Variants in KIF16B observed in about 807,000 individuals in gnomAD.
KIF16B encodes kinesin-like protein KIF16B.
KIF16B carries 98 observed loss-of-function variants against 156.3 expected under a neutral mutation model. The observed-to-expected ratio is 0.63, with a 90% CI of 0.53 to 0.74. The LOEUF is 0.74. KIF16B is among the 30% of genes least tolerant of loss of function. KIF16B has a pLI of 0.00. For missense variants in KIF16B, 1,421 were observed against 1,606.5 expected, an observed-to-expected ratio of 0.88 and a Z score of 1.97; for synonymous variants, 564 against 583.7, an observed-to-expected ratio of 0.97 and a Z score of 0.49.
In KIF16B at chr20:16,504,474, G is replaced by A. The variant is rs1252731535; in HGVS notation, c.1074C>T (p.Ile358=). The A allele has an allele frequency of 2.5e-6, 4 of 1,613,932 alleles. No individual in the cohort carries two copies. The highest frequency in any genetic ancestry group is 3.4e-6 in the Non-Finnish European group (4 of 1,179,946). The change falls in exon 10 of 26, where the codon ATC becomes ATT. Residue 358 remains isoleucine (I), a synonymous_variant. Coordinates refer to ENST00000354981, the MANE Select transcript of KIF16B (RefSeq NM_024704.5). ...CCTCATTAATGGTAGGCTTGTTGAT[G>A]ATGTTTTTGGCTCTATTTGCATAGC... The part of the protein sequence containing the change: ...TLRYANRAKN[I]INKPTINEDA...
intron 1 of KIF16B, among the ~76,000 whole-genome samples, chr20:16,557,284 G>A (rs1042383941): frequency 6.6e-6 from 1 of 151,816 alleles, no homozygotes; most frequent in Non-Finnish European, 1.5e-5. Flanking sequence ...AGGTTCATGC[G>A]ACTCTCCTGC....
chr20:16,506,585 T>C (rs888139498), intron 7 of KIF16B, among the ~76,000 whole-genome samples: 1 of 152,136 alleles, frequency 6.6e-6, no homozygotes, highest in Non-Finnish European at 1.5e-5. Flanking sequence ...TATAGACAAG[T>C]ACGGAAAAGA....
chr20:16,304,594 G>A (rs1423014920), intron 25 of KIF16B, among the ~76,000 whole-genome samples: 1 of 152,004 alleles, frequency 6.6e-6, no homozygotes, highest in East Asian at 1.9e-4. Context: ...ACCTAAATGA[G>A]GAAGAAAACA....
At chr20:16,275,296 T>G (rs2063043911) in intron 25 of KIF16B, among the ~76,000 whole-genome samples, 1 of 152,172 alleles carries the variant, frequency 6.6e-6, no homozygotes, top group Non-Finnish European at 1.5e-5. Context: ...CCTCAAATGA[T>G]CCACCCCCCT....
chr20:16,413,019 T>A (rs1022489757), intron 15 of KIF16B, among the ~76,000 whole-genome samples: 1 of 152,024 alleles, frequency 6.6e-6, no homozygotes, highest in African/African-American at 2.4e-5. Flanking sequence ...AGAATTCAGT[T>A]TCCTCATCTA....
In KIF16B at chr20:16,560,267, G is replaced by A. The variant is rs943367311; in HGVS notation, c.47+12962C>T. The stretch of plus-strand genomic sequence containing the variant: ...CTTATCTGGCAAATTGATTGAATTT[G>A]AGCTAGTCTCCATCACCTAGAATCA... On this transcript the variant is annotated intron_variant, in intron 1 of 25. Transcript: ENST00000354981. Among the ~76,000 whole-genome samples, 4 of 152,040 alleles carry A rather than the reference G, an allele frequency of 2.6e-5. No individual in the cohort carries two copies. The South Asian group carries it at 8.3e-4, about 31-fold the overall frequency.
intron 12 of KIF16B, among the ~76,000 whole-genome samples, chr20:16,484,845 T>G (rs2068072283): frequency 6.6e-6 from 1 of 151,992 alleles, no homozygotes; most frequent in Non-Finnish European, 1.5e-5. Flanking sequence ...GAACATACAC[T>G]CATACATACA....
In KIF16B at chr20:16,557,452, T is replaced by C. The variant is rs2070892900; in HGVS notation, c.47+15777A>G. 2.0e-5 allele frequency among the ~76,000 whole-genome samples: 3 copies of C among 152,298 alleles called. No individual in the cohort carries two copies. The South Asian group carries it at 6.2e-4, about 32-fold the overall frequency. On this transcript the variant is annotated intron_variant, in intron 1 of 25. Transcript: ENST00000354981. ...GCCTCAGCCTCCCAAAGTGCTGGGA[T>C]TACAGGCATGAGTCACTGCACCTAG...
intron 12 of KIF16B, among the ~76,000 whole-genome samples, chr20:16,480,170 G>A (rs907322076): frequency 3.3e-5 from 5 of 152,200 alleles, no homozygotes; most frequent in Admixed American, 1.3e-4. Context: ...TAGAGGCTGG[G>A]CTCCAAGGGC....
intron 17 of KIF16B, among the ~76,000 whole-genome samples, chr20:16,398,115 C>T (rs1188139269): frequency 6.6e-6 from 1 of 152,156 alleles, no homozygotes; most frequent in Non-Finnish European, 1.5e-5. Context: ...CACTTAGCTC[C>T]AACTGGAAAT....
At chr20:16,454,246 TATTC>T (rs1466163022) in intron 12 of KIF16B, among the ~76,000 whole-genome samples, 1 of 151,900 alleles carries the variant, frequency 6.6e-6, no homozygotes, top group East Asian at 1.9e-4. Flanking sequence ...ACAAAAAGCA[TATTC>T]ATATTATTCA....
intron 20 of KIF16B, among the ~76,000 whole-genome samples, chr20:16,373,175 C>A (rs577584058): frequency 6.6e-6 from 1 of 152,000 alleles, no homozygotes; most frequent in Admixed American, 6.5e-5. Flanking sequence ...GGTAAAAGAG[C>A]CCAAATAAAG....
intron 15 of KIF16B, among the ~76,000 whole-genome samples, chr20:16,422,544 G>A (rs966188137): frequency 6.6e-6 from 1 of 152,038 alleles, no homozygotes; most frequent in African/African-American, 2.4e-5. Flanking sequence ...GTTCAAAGGT[G>A]GGGGGCAACA....
chr20:16,374,777 A>T (rs762892243), intron 19 of KIF16B, among the ~76,000 whole-genome samples: 9 of 152,218 alleles, frequency 5.9e-5, no homozygotes, highest in Non-Finnish European at 8.8e-5. Context: ...TCTGGTAAAT[A>T]CTTACGTTTG....
At chr20:16,501,096 A>G (rs1451879884) in intron 10 of KIF16B, among the ~76,000 whole-genome samples, 2 of 152,170 alleles carry the variant, frequency 1.3e-5, no homozygotes. Flanking sequence ...AGCTTCATCA[A>G]TCGCCTGAGA....
At chr20:16,546,985 C>T (rs765621218) in intron 1 of KIF16B, among the ~76,000 whole-genome samples, 1 of 152,156 alleles carries the variant, frequency 6.6e-6, no homozygotes, top group Non-Finnish European at 1.5e-5. Flanking sequence ...CCATTTTGCC[C>T]AGGCTGGTCT....
chr20:16,408,498 A>G (rs2065842080), intron 15 of KIF16B, among the ~76,000 whole-genome samples: 1 of 152,200 alleles, frequency 6.6e-6, no homozygotes, highest in African/African-American at 2.4e-5. Context: ...TGTTAAAGTT[A>G]CATTAGAGAT....
At chr20:16,514,688 C>A (rs941650799) in intron 4 of KIF16B, among the ~76,000 whole-genome samples, 1 of 149,986 alleles carries the variant, frequency 6.7e-6, no homozygotes, top group Non-Finnish European at 1.5e-5. Flanking sequence ...GTCAGAAGTT[C>A]GAGACCAGCC....
At chr20:16,352,601 C>T (rs933225629) in intron 23 of KIF16B, among the ~76,000 whole-genome samples, 2 of 152,124 alleles carry the variant, frequency 1.3e-5, no homozygotes, top group Non-Finnish European at 2.9e-5. Context: ...GACTACTTCA[C>T]GTGGCAATGG....
Sources: allele counts gnomAD v4.1 joint callset (sites outside exome capture counted in the v4.1 genomes callset), GRCh38; gene constraint gnomAD v4.1.1; transcripts MANE v1.5; gene names NCBI Gene and HGNC (gene_info 2026-07-23, HGNC 2026-07-21).